Variants in SLC7A2 observed in about 807,000 individuals in gnomAD.
SLC7A2 encodes solute carrier family 7 member 2.
Under a neutral mutation model 58.9 loss-of-function variants are expected in SLC7A2, and 48 were observed. That is an observed-to-expected ratio of 0.82 (90% CI 0.65 to 1.04). The LOEUF (loss-of-function observed/expected upper bound fraction) is 1.04. Ranked by LOEUF, SLC7A2 falls within the 50% of genes least tolerant of loss-of-function variation. The probability of loss-of-function intolerance (pLI) is 0.00; values close to 1 mark genes in which losing one functional copy is unlikely to be tolerated. For synonymous variants in SLC7A2, 363 were observed against 314.5 expected, an observed-to-expected ratio of 1.15 and a Z score of -1.63; for missense variants, 1,029 against 818.8, an observed-to-expected ratio of 1.26 and a Z score of -3.13.
chr8:17,519,816 C>A (rs1800942695), intron 2 of SLC7A2, among the ~76,000 whole-genome samples: 1 of 147,584 alleles, frequency 6.8e-6, no homozygotes, highest in African/African-American at 2.5e-5. Flanking sequence ...GCCAAGCAGA[C>A]TTCTGATTGC....
intron 6 of SLC7A2, 131 bp from the exon 7 acceptor site, chr8:17,551,633 G>T (rs915869960): frequency 2.9e-6 from 2 of 700,838 alleles, no homozygotes; most frequent in Non-Finnish European, 5.0e-6. Context: ...AAAATAGATG[G>T]ACCAAGATAA....
intron 4 of SLC7A2, among the ~76,000 whole-genome samples, chr8:17,546,357 A>G (rs2150745086): frequency 6.6e-6 from 1 of 152,350 alleles, no homozygotes; most frequent in East Asian, 1.9e-4. Flanking sequence ...TTGTTCTTAG[A>G]ATCTCTGAAG....
intron 2 of SLC7A2, among the ~76,000 whole-genome samples, chr8:17,515,136 C>G (rs141036066): frequency 1.1e-4 from 16 of 152,086 alleles, no homozygotes; most frequent in Non-Finnish European, 2.1e-4. Context: ...ACTTAAGAAA[C>G]GTTTACCAAC....
intron 9 of SLC7A2, among the ~76,000 whole-genome samples, chr8:17,559,961 A>G (rs941037523): frequency 2.6e-5 from 4 of 152,220 alleles, no homozygotes; most frequent in African/African-American, 9.7e-5. Flanking sequence ...GCATTATTTT[A>G]TAGCTGAAAT....
Position 17,565,145 on chromosome 8 carries a change from A to T in SLC7A2, c.1976A>T (p.Ter659LeuextTer11). 6.2e-7 allele frequency: 1 copy of T among 1,609,314 alleles called. No homozygotes were observed. Among genetic ancestry groups the T allele is most frequent in the Non-Finnish European group, 8.5e-7 (1 of 1,176,482 alleles). ...TTCCATGAAAAGACAAGTGAATTCT[A>T]ACACTTGCAGGAGCAGAGCTGGTCA... ...FIFHEKTSEF[*>L] The change falls in exon 13 of 13, where the codon TAA becomes TTA. Residue 659 changes from the stop codon to leucine (L), a stop_lost. Transcript: ENST00000494857.
In SLC7A2 at chr8:17,568,204, A is replaced by C. The variant is rs1585283814; in HGVS notation, c.*3058A>C. Reference sequence around the variant, plus strand: ...TAAGAAATATATTCTCAACATTTTCAGTGAGAATTTCTTGTAATGGCACCT... The same window carrying C: ...TAAGAAATATATTCTCAACATTTTCCGTGAGAATTTCTTGTAATGGCACCT... On this transcript the variant is annotated 3_prime_UTR_variant, in exon 13 of 13. Transcript: ENST00000494857. 1 of 152,090 alleles carries C rather than the reference A, an allele frequency of 6.6e-6. No homozygotes were observed. The highest frequency in any genetic ancestry group is 6.6e-5 in the Admixed American group (1 of 15,254). 9.4% of individuals were successfully genotyped at this position (152,090 alleles called of 1,614,324 possible). A position where few individuals can be genotyped will look rare whatever the true frequency, so the allele number is the denominator to read the frequency against.
At chr8:17,544,642 C>T in intron 4 of SLC7A2, 36 bp downstream of exon 4, 1 of 1,590,936 alleles carries the variant, frequency 6.3e-7, no homozygotes. Flanking sequence ...GCAGAATGAG[C>T]CACACTATTT....
chr8:17,545,584 G>C (rs1802131588), intron 4 of SLC7A2, among the ~76,000 whole-genome samples: 3 of 151,654 alleles, frequency 2.0e-5, no homozygotes. Flanking sequence ...TTTTAGTAGA[G>C]ACGGGGTTTC....
At chr8:17,530,978 T>G (rs2150711472) in intron 2 of SLC7A2, among the ~76,000 whole-genome samples, 1 of 152,328 alleles carries the variant, frequency 6.6e-6, no homozygotes, top group African/African-American at 2.4e-5. Context: ...TTTCTAAATA[T>G]TTCTAAGCGT....
chr8:17,535,381 T>C (rs1264675588), intron 2 of SLC7A2, among the ~76,000 whole-genome samples: 1 of 151,754 alleles, frequency 6.6e-6, no homozygotes, highest in Non-Finnish European at 1.5e-5. Flanking sequence ...CCTCTCTAAC[T>C]ACCTGTATCC....
At chr8:17,505,722 A>G (rs1376706314) in intron 2 of SLC7A2, among the ~76,000 whole-genome samples, 2 of 152,190 alleles carry the variant, frequency 1.3e-5, no homozygotes, top group Non-Finnish European at 2.9e-5. Context: ...TCTTATCTAA[A>G]ATTGGAGCAT....
rs943592151 is a variant in SLC7A2, at chr8:17,558,889, T to G, written c.1298+492T>G. Among the ~76,000 whole-genome samples, 8 of 152,220 alleles carry G rather than the reference T, an allele frequency of 5.3e-5. No individual in the cohort carries two copies. In the East Asian group the frequency reaches 1.5e-3, roughly 29 times the overall value. On this transcript the variant is annotated intron_variant, in intron 9 of 12. Coordinates refer to ENST00000494857, the MANE Select transcript of SLC7A2 (RefSeq NM_001370338.1). ...ATGGTATTAATTTTATGGAGAAATA[T>G]ATCCATTTCAGGATATAAAACTATA... is the stretch of plus-strand genomic sequence containing the variant.
chr8:17,555,650 A>G (rs1201923069), intron 8 of SLC7A2, among the ~76,000 whole-genome samples: 1 of 152,156 alleles, frequency 6.6e-6, no homozygotes, highest in Non-Finnish European at 1.5e-5. Flanking sequence ...CATCGCAGCC[A>G]TCTAACAGTT....
chr8:17,529,310 T>A (rs563404885), intron 2 of SLC7A2, among the ~76,000 whole-genome samples: 2 of 152,292 alleles, frequency 1.3e-5, no homozygotes, highest in Admixed American at 6.5e-5. Flanking sequence ...CTGCCCTTAG[T>A]TGACTTGTTC....
upstream of SLC7A2, chr8:17,497,036 G>GCCCCGC (rs1411052411): frequency 2.7e-5 from 4 of 149,898 alleles, no homozygotes; most frequent in Non-Finnish European, 6.0e-5. Context: ...CCGGCCCCGC[G>GCCCCGC]CCCCGCCCCC....
chr8:17,503,527 G>A (rs899764601), intron 2 of SLC7A2, among the ~76,000 whole-genome samples: 2 of 146,486 alleles, frequency 1.4e-5, no homozygotes, highest in East Asian at 2.0e-4. Context: ...AATATTTGCA[G>A]CTTGCCAAGG....
At chr8:17,531,995 A>G (rs937753629) in intron 2 of SLC7A2, among the ~76,000 whole-genome samples, 7 of 152,034 alleles carry the variant, frequency 4.6e-5, no homozygotes, top group African/African-American at 9.7e-5. Context: ...TGGGAGGCTG[A>G]GGTGGGCAGA....
intron 2 of SLC7A2, among the ~76,000 whole-genome samples, chr8:17,530,231 A>G (rs1010725854): frequency 1.2e-4 from 19 of 152,196 alleles, no homozygotes; most frequent in Non-Finnish European, 2.2e-4. Flanking sequence ...AGGAAAGCTC[A>G]GGAGCTGACA....
intron 2 of SLC7A2, among the ~76,000 whole-genome samples, chr8:17,523,520 C>A (rs1268902424): frequency 6.6e-6 from 1 of 152,120 alleles, no homozygotes; most frequent in East Asian, 1.9e-4. Context: ...GGAAAGAACA[C>A]CCTTTTCAGC....
Sources: gnomAD v4.1 joint callset for allele counts (sites outside exome capture counted in the v4.1 genomes callset) on GRCh38, gnomAD v4.1.1 for gene constraint, MANE v1.5 for transcripts, NCBI Gene and HGNC (gene_info 2026-07-23, HGNC 2026-07-21) for gene names.